Variants in FGF7 observed in about 807,000 individuals in gnomAD.
FGF7 encodes FGF-7.
In FGF7, 6 loss-of-function variants were observed where a neutral mutation model predicts 20.5. The ratio of observed to expected loss-of-function variants is 0.29; its 90% confidence interval spans 0.16 to 0.58. The LOEUF (loss-of-function observed/expected upper bound fraction) is 0.58, where lower values mean the gene tolerates loss of function less well. Ranked by LOEUF, FGF7 falls within the 20% of genes least tolerant of loss-of-function variation. The pLI is 0.90. For synonymous variants in FGF7, 64 were observed against 74.7 expected (o/e 0.86, Z 0.74); for missense variants, 144 against 228.8 (o/e 0.63, Z 2.39).
At chr15:49,434,647 C>T (rs1485751121) in intron 2 of FGF7, 1 of 151,584 alleles carries the variant, frequency 6.6e-6, no homozygotes, top group African/African-American at 2.4e-5. Flanking sequence ...ATGCTAAACT[C>T]ACCAAGGTAA....
At chr15:49,464,788 G>A (rs544668887) in intron 2 of FGF7, among the ~76,000 whole-genome samples, 14 of 152,242 alleles carry the variant, frequency 9.2e-5, no homozygotes, top group African/African-American at 3.4e-4. Flanking sequence ...ACAGTGTGGT[G>A]CATCTACATC....
intron 2 of FGF7, among the ~76,000 whole-genome samples, chr15:49,448,260 A>G (rs1045564854): frequency 8.0e-5 from 12 of 150,874 alleles, no homozygotes; most frequent in Non-Finnish European, 1.8e-4. Flanking sequence ...TTTTTTCTAC[A>G]TCTCCTTCCA....
At position 49,452,724 on chromosome 15, in the gene FGF7, T is replaced by C. The variant is rs551635967; in HGVS notation, c.286+28141T>C. ...GTCTCTCTGAATCTTGGTTTCTTTA[T>C]TGGGTGACTGAGATAGTATCTAATC... On this transcript the variant is annotated intron_variant, in intron 2 of 3. Transcript: ENST00000267843. 4.6e-5 allele frequency among the ~76,000 whole-genome samples: 7 copies of C among 152,270 alleles called. No individual in the cohort carries two copies. In the South Asian group the frequency reaches 1.0e-3, roughly 23 times the overall value.
intron 1 of FGF7, among the ~76,000 whole-genome samples, chr15:49,423,810 A>C (rs11631040): frequency 6.6e-6 from 1 of 151,890 alleles, no homozygotes; most frequent in Non-Finnish European, 1.5e-5. Flanking sequence ...TGAATGGTAC[A>C]GTCATATTCT....
At chr15:49,479,551 C>T (rs1478054499) in intron 2 of FGF7, among the ~76,000 whole-genome samples, 7 of 145,256 alleles carry the variant, frequency 4.8e-5, no homozygotes, top group East Asian at 2.0e-4. Flanking sequence ...TTCTGAGCAA[C>T]TTCGTGGCTT....
intron 2 of FGF7, among the ~76,000 whole-genome samples, chr15:49,434,940 T>C (rs1199677556): frequency 6.6e-6 from 1 of 151,518 alleles, no homozygotes; most frequent in Non-Finnish European, 1.5e-5. Flanking sequence ...ATAATTCAAT[T>C]GGAATAATAT....
At chr15:49,478,658 C>T (rs1255641749) in intron 2 of FGF7, among the ~76,000 whole-genome samples, 1 of 152,064 alleles carries the variant, frequency 6.6e-6, no homozygotes, top group Non-Finnish European at 1.5e-5. Flanking sequence ...ACCACTGCCT[C>T]CACTTTTTTT....
intron 2 of FGF7, among the ~76,000 whole-genome samples, chr15:49,440,580 C>T (rs1459662277): frequency 6.6e-6 from 1 of 151,712 alleles, no homozygotes; most frequent in Non-Finnish European, 1.5e-5. Flanking sequence ...CAAATTAATG[C>T]ATTAATATTT....
intron 2 of FGF7, chr15:49,425,163 T>C (rs1157587249): frequency 2.0e-5 from 3 of 152,046 alleles, no homozygotes; most frequent in Admixed American, 1.3e-4. Flanking sequence ...TGATGACTTA[T>C]CAACTTAGGC....
At chr15:49,464,090 T>C (rs1262334023) in intron 2 of FGF7, among the ~76,000 whole-genome samples, 1 of 152,190 alleles carries the variant, frequency 6.6e-6, no homozygotes, top group Non-Finnish European at 1.5e-5. Flanking sequence ...ATTCTATTAG[T>C]TTCATTGGCT....
rs964189964 is a variant in FGF7 at position 49,455,108 on chromosome 15, A to C, written c.287-28043A>C. 3.3e-5 allele frequency among the ~76,000 whole-genome samples: 5 copies of C among 152,168 alleles called. No homozygotes were observed. In the South Asian group the frequency reaches 6.2e-4, roughly 19 times the overall value. On this transcript the variant is annotated intron_variant, in intron 2 of 3. Transcript: ENST00000267843. ...TTTAAAGCATATTCTCTAGGCCTCAACCCTCACCTATTGAGTCAAAATCTC... is the reference window on the plus strand; with the variant it reads ...TTTAAAGCATATTCTCTAGGCCTCACCCCTCACCTATTGAGTCAAAATCTC...
chr15:49,451,651 A>G lies in FGF7; in HGVS notation c.286+27068A>G, dbSNP rs746620815. Among the ~76,000 whole-genome samples, 185 of 152,292 alleles carry G rather than the reference A, an allele frequency of 1.2e-3. 1 individual carries two copies. Among genetic ancestry groups the G allele is most frequent in the Admixed American group, 1.9e-3 (29 of 15,280 alleles). On this transcript the variant is annotated intron_variant, in intron 2 of 3. Coordinates refer to ENST00000267843, the MANE Select transcript of FGF7 (RefSeq NM_002009.4). ...ATAATTTCAGTAAACATGAAGTGAA[A>G]CACAGCACAAGCCAAACTGAACTCT...
chr15:49,452,541 T>G (rs2052856457), intron 2 of FGF7, among the ~76,000 whole-genome samples: 1 of 152,180 alleles, frequency 6.6e-6, no homozygotes, highest in Non-Finnish European at 1.5e-5. Context: ...CTATGCAGAT[T>G]TTTTAATGCA....
In FGF7 at chr15:49,487,852, T is replaced by C. The variant is rs1203051272; in HGVS notation, c.*3348T>C. 6.6e-6 allele frequency: 1 copy of C among 151,992 alleles called. No individual in the cohort carries two copies. The highest frequency in any genetic ancestry group is 1.5e-5 in the Non-Finnish European group (1 of 67,930). The allele number at this position is 151,992 out of a possible 1,614,324, so 9.4% of individuals were successfully genotyped here. ...ATTAAACACCAGTAAGCAAAATTGA[T>C]ACATCAGAATGACTTGCAGGGCTTA... On this transcript the variant is annotated 3_prime_UTR_variant, in exon 4 of 4. Transcript: ENST00000267843.
intron 2 of FGF7, among the ~76,000 whole-genome samples, chr15:49,449,976 C>T (rs1310628394): frequency 1.3e-5 from 2 of 152,058 alleles, no homozygotes; most frequent in African/African-American, 4.8e-5. Flanking sequence ...CATGCTCAAT[C>T]ACAAACTAGA....
intron 2 of FGF7, among the ~76,000 whole-genome samples, chr15:49,470,978 T>A (rs1174039349): frequency 1.3e-5 from 2 of 152,232 alleles, no homozygotes; most frequent in Non-Finnish European, 2.9e-5. Context: ...TTGTTCCACA[T>A]CTTGTGCCTG....
intron 2 of FGF7, among the ~76,000 whole-genome samples, chr15:49,452,373 C>T (rs2052836310): frequency 6.6e-6 from 1 of 152,036 alleles, no homozygotes. Flanking sequence ...TTTTAAATGC[C>T]AGTTACCTTA....
At chr15:49,428,171 G>A in intron 2 of FGF7, among the ~76,000 whole-genome samples, 1 of 151,898 alleles carries the variant, frequency 6.6e-6, no homozygotes. Context: ...GCTGCTACTA[G>A]AGAACTGGTC....
At chr15:49,456,614 A>G (rs193266994) in intron 2 of FGF7, among the ~76,000 whole-genome samples, 52 of 152,162 alleles carry the variant, frequency 3.4e-4, no homozygotes, top group Non-Finnish European at 6.9e-4. Flanking sequence ...AATGTTTGAG[A>G]AGGAGAGATA....
Sources: gnomAD v4.1 joint callset for allele counts (sites outside exome capture counted in the v4.1 genomes callset) on GRCh38, gnomAD v4.1.1 for gene constraint, MANE v1.5 for transcripts, NCBI Gene and HGNC (gene_info 2026-07-23, HGNC 2026-07-21) for gene names.